CEP57: variants seen among roughly 807,000 people sequenced by gnomAD.
CEP57 encodes the protein centrosomal protein of 57 kDa.
CEP57 carries 40 observed loss-of-function variants against 68.0 expected under a neutral mutation model. The ratio of observed to expected loss-of-function variants is 0.59; its 90% CI spans 0.46 to 0.77. The LOEUF (loss-of-function observed/expected upper bound fraction) is 0.77. Ranked by LOEUF, CEP57 falls within the 30% of genes least tolerant of loss-of-function variation. The pLI, the probability that CEP57 is intolerant of heterozygous loss-of-function variation, is 0.00. For missense variants in CEP57, 606 were observed against 580.7 expected, an observed-to-expected ratio of 1.04 and a Z score of -0.45; for synonymous variants, 219 against 198.7, an observed-to-expected ratio of 1.10 and a Z score of -0.86.
In CEP57 at chr11:95,831,012, G is replaced by C; in HGVS notation, c.1273-14G>C. ...AATTCTCCTTTTCCTTCCTGCCTTG[G>C]TTATTTGGTATAGCTGGAGAAACAG... On this transcript the variant is annotated splice_polypyrimidine_tract_variant and intron_variant, in intron 10 of 10. Coordinates refer to ENST00000325542, the MANE Select transcript of CEP57 (RefSeq NM_014679.5). 2 of 1,577,892 alleles carry C rather than the reference G, an allele frequency of 1.3e-6. No individual in the cohort carries two copies. The highest frequency in any genetic ancestry group is 1.3e-5 in the African/African-American group (1 of 74,332).
At chr11:95,807,712 G>A (rs1169830101) in intron 2 of CEP57, among the ~76,000 whole-genome samples, 1 of 152,212 alleles carries the variant, frequency 6.6e-6, no homozygotes, top group Admixed American at 6.5e-5. Flanking sequence ...AGAAATATGG[G>A]ACTATGAGAA....
chr11:95,819,457 AGTTT>A lies in CEP57; in HGVS notation c.699+554_699+557del, dbSNP rs1346947050. ...GCAGTGTGGATTCACAAAAGCATTG[AGTTT>A]ATATGTACCAACCAGAACTGCATTT... is the stretch of plus-strand genomic sequence containing the variant. On this transcript the variant is annotated intron_variant, in intron 6 of 10. Coordinates refer to ENST00000325542, the MANE Select transcript of CEP57 (RefSeq NM_014679.5). 3.3e-5 allele frequency among the ~76,000 whole-genome samples: 5 copies of A among 152,192 alleles called. No homozygotes were observed. The East Asian group carries it at 9.6e-4, about 29-fold the overall frequency.
Position 95,821,895 on chromosome 11 carries a change from A to G in CEP57, c.724A>G (p.Arg242Gly). The change falls in exon 7 of 11, where the codon AGA (arginine) becomes GGA (glycine). Residue 242 changes from arginine to glycine, a missense_variant. Arg to Gly is a moderately radical substitution (Grantham distance 125, BLOSUM62 -2). Coordinates refer to ENST00000325542, the MANE Select transcript of CEP57 (RefSeq NM_014679.5). Reference sequence around the variant, plus strand: ...GTTGCAGACTGGTCTAGAAACAAATAGACTTATCTTTGAAGATAAGGCAAC... The same window carrying G: ...GTTGCAGACTGGTCTAGAAACAAATGGACTTATCTTTGAAGATAAGGCAAC... ...AELQTGLETN[R>G]LIFEDKATPC... The G allele has an allele frequency of 6.2e-7, 1 of 1,611,874 alleles. No homozygotes were observed. Among genetic ancestry groups the G allele is most frequent in the Non-Finnish European group, 8.5e-7 (1 of 1,179,062 alleles).
At position 95,799,368 on chromosome 11, in the gene CEP57, A is replaced by G. The variant is rs149872250; in HGVS notation, c.182A>G (p.Tyr61Cys). The G allele has an allele frequency of 1.2e-6, 2 of 1,614,030 alleles. No homozygotes were observed. Among genetic ancestry groups the G allele is most frequent in the African/African-American group, 1.3e-5 (1 of 75,048 alleles). The change falls in exon 2 of 11, where the codon TAT (tyrosine) becomes TGT (cysteine). Residue 61 changes from tyrosine (Y) to cysteine (C), a missense_variant. Coordinates refer to ENST00000325542, the MANE Select transcript of CEP57 (RefSeq NM_014679.5). Reference protein sequence around the residue: ...RRSPSKPTLAYPESNSRAIFS... With the variant: ...RRSPSKPTLACPESNSRAIFS... ...TCCCCAAGTAAGCCTACACTTGCCT[A>G]TCCAGAAAGCAACAGCAGAGGTAAT...
At chr11:95,817,128 G>T (rs758416803) in intron 4 of CEP57, among the ~76,000 whole-genome samples, 10 of 151,988 alleles carry the variant, frequency 6.6e-5, no homozygotes, top group Non-Finnish European at 1.2e-4. Flanking sequence ...AGCACTTTGG[G>T]AGGCTGAGGC....
At chr11:95,790,445 A>G (rs1860962132), upstream of CEP57, 1 of 578,202 alleles carries the variant, frequency 1.7e-6, no homozygotes, top group East Asian at 2.8e-5. Flanking sequence ...TACTACAGAA[A>G]GACGTCTGCT....
chr11:95,818,280 C>T (rs1379669861), intron 5 of CEP57, among the ~76,000 whole-genome samples: 3 of 151,658 alleles, frequency 2.0e-5, no homozygotes, highest in Admixed American at 6.6e-5. Flanking sequence ...GGCATCGTGG[C>T]GCATGCCTGT....
intron 1 of CEP57, among the ~76,000 whole-genome samples, chr11:95,791,246 C>A (rs1047495003): frequency 6.6e-6 from 1 of 152,142 alleles, no homozygotes; most frequent in African/African-American, 2.4e-5. Flanking sequence ...ACATTAACTT[C>A]GTTGTGTGAT....
At chr11:95,800,637 G>A (rs1205185282) in intron 2 of CEP57, among the ~76,000 whole-genome samples, 2 of 152,060 alleles carry the variant, frequency 1.3e-5, no homozygotes, top group Non-Finnish European at 2.9e-5. Context: ...TGATCCACCC[G>A]CCTTGGCCTC....
intron 1 of CEP57, among the ~76,000 whole-genome samples, chr11:95,797,195 C>G (rs980289983): frequency 3.1e-5 from 4 of 129,044 alleles, no homozygotes; most frequent in Non-Finnish European, 6.4e-5. Flanking sequence ...CAGACGGAGT[C>G]TCACTCTCTT....
chr11:95,813,374 A>G (rs1862157260), intron 3 of CEP57, 94 bp from the exon 4 acceptor site: 3 of 1,471,150 alleles, frequency 2.0e-6, no homozygotes, highest in Admixed American at 3.7e-5. Flanking sequence ...AGGTGTTTTT[A>G]TTGTATACAC....
chr11:95,813,121 T>C lies in CEP57; in HGVS notation c.382+10T>C. 1 of 1,610,300 alleles carries C rather than the reference T, an allele frequency of 6.2e-7. No individual in the cohort carries two copies. Among genetic ancestry groups the C allele is most frequent in the East Asian group, 2.2e-5 (1 of 44,830 alleles). ...TCAAAGCACAATCAAGGTTTGTTGA[T>C]GAAGAAAATTAAAATTCTATCAAAA... is the stretch of plus-strand genomic sequence containing the variant. On this transcript the variant is annotated intron_variant, in intron 3 of 10. Coordinates refer to ENST00000325542, the MANE Select transcript of CEP57 (RefSeq NM_014679.5).
At chr11:95,815,730 C>T (rs1862271850) in intron 4 of CEP57, among the ~76,000 whole-genome samples, 1 of 152,142 alleles carries the variant, frequency 6.6e-6, no homozygotes, top group South Asian at 2.1e-4. Context: ...AGACAGATCA[C>T]TTGAGTGCAG....
At chr11:95,810,521 A>G (rs1360272086) in intron 2 of CEP57, among the ~76,000 whole-genome samples, 2 of 152,228 alleles carry the variant, frequency 1.3e-5, no homozygotes, top group Non-Finnish European at 2.9e-5. Context: ...TACAAAATCA[A>G]TGTGCAAAAA....
At chr11:95,826,822 G>T (rs755964791) in intron 8 of CEP57, 1 of 152,148 alleles carries the variant, frequency 6.6e-6, no homozygotes, top group African/African-American at 2.4e-5. Flanking sequence ...ATTGATTTTT[G>T]AATAGTGGAC....
intron 2 of CEP57, among the ~76,000 whole-genome samples, chr11:95,805,400 C>T (rs1315743533): frequency 3.3e-5 from 5 of 152,024 alleles, no homozygotes; most frequent in African/African-American, 1.2e-4. Flanking sequence ...TGTTTCATGT[C>T]TGCATTTTTT....
intron 8 of CEP57, among the ~76,000 whole-genome samples, chr11:95,823,741 G>T (rs548514522): frequency 6.6e-6 from 1 of 152,126 alleles, no homozygotes; most frequent in African/African-American, 2.4e-5. Context: ...TGAGCTCAAG[G>T]GTTGGGAGTA....
At chr11:95,818,066 C>T (rs1862374512) in intron 5 of CEP57, 163 bp downstream of exon 5, 6 of 601,150 alleles carry the variant, frequency 1.0e-5, no homozygotes, top group Non-Finnish European at 1.8e-5. Context: ...AGAATGTTCA[C>T]ATTTTACAAT....
intron 1 of CEP57, among the ~76,000 whole-genome samples, chr11:95,798,578 G>A (rs900908138): frequency 6.6e-6 from 1 of 152,202 alleles, no homozygotes; most frequent in African/African-American, 2.4e-5. Flanking sequence ...CTGTCAGTAG[G>A]AAGTCGCCTA....
Sources: gnomAD v4.1 joint callset for allele counts (sites outside exome capture counted in the v4.1 genomes callset) on GRCh38, gnomAD v4.1.1 for gene constraint, MANE v1.5 for transcripts, NCBI Gene and HGNC (gene_info 2026-07-23, HGNC 2026-07-21) for gene names.